The following NAV1 variants were observed in gnomAD, a reference collection of about 807,000 sequenced individuals.
The protein encoded by NAV1 is pore membrane and/or filament interacting like protein 3.
NAV1 carries 18 observed loss-of-function variants against 175.2 expected under a neutral mutation model. That is an observed-to-expected ratio of 0.10 (90% CI 0.07 to 0.15). The LOEUF is 0.15. Among genes scored for constraint, NAV1 ranks in the 10% least tolerant of loss-of-function variants. NAV1 has a pLI of 1.00. For missense variants in NAV1, 1,731 were observed against 2,436.6 expected (o/e 0.71, Z 6.10); for synonymous variants, 897 against 978.7 (o/e 0.92, Z 1.56).
rs181886501 is a variant in NAV1, at chr1:201,697,006, T to A, written c.758-15811T>A. 1.4e-3 allele frequency among the ~76,000 whole-genome samples: 212 copies of A among 152,308 alleles called. No individual in the cohort carries two copies. The Middle Eastern group carries it at 0.02, about 15-fold the overall frequency. Reference sequence around the variant, plus strand: ...CTTCTGATGCTCACTAAACAAAAAATTTTTTTAAATGCAAAAACTCTTCAG... The same window carrying A: ...CTTCTGATGCTCACTAAACAAAAAAATTTTTTAAATGCAAAAACTCTTCAG... On this transcript the variant is annotated intron_variant, in intron 1 of 29. Coordinates refer to ENST00000367296, the Ensembl canonical transcript of NAV1.
At chr1:201,605,938 C>T (rs1377776627) in intron 2 of NAV1, among the ~76,000 whole-genome samples, 3 of 152,184 alleles carry the variant, frequency 2.0e-5, no homozygotes, top group Admixed American at 6.5e-5. Flanking sequence ...ATCCCTTCTG[C>T]TTTGCCTAGA....
At chr1:201,605,859 G>T (rs1422930723) in intron 2 of NAV1, among the ~76,000 whole-genome samples, 2 of 152,196 alleles carry the variant, frequency 1.3e-5, no homozygotes, top group African/African-American at 4.8e-5. Flanking sequence ...GCACTGTGGG[G>T]GGGTGTGAGC....
chr1:201,686,654 C>T (rs1039038626), intron 1 of NAV1, among the ~76,000 whole-genome samples: 2 of 152,230 alleles, frequency 1.3e-5, no homozygotes, highest in Non-Finnish European at 2.9e-5. Context: ...ATCCCCCACT[C>T]CAACCCATTT....
intron 1 of NAV1, among the ~76,000 whole-genome samples, chr1:201,656,209 T>C (rs1571866648): frequency 6.6e-6 from 1 of 152,248 alleles, no homozygotes; most frequent in Admixed American, 6.5e-5. Context: ...CAATGATACA[T>C]TTCAGGGCCA....
intron 1 of NAV1, among the ~76,000 whole-genome samples, chr1:201,562,364 C>A (rs532226117): frequency 7.2e-5 from 11 of 152,160 alleles, no homozygotes; most frequent in Non-Finnish European, 7.4e-5. Flanking sequence ...GACCTTGGGT[C>A]CTAGTTGGTA....
At chr1:201,602,861 C>T (rs190644110) in intron 2 of NAV1, among the ~76,000 whole-genome samples, 1 of 152,152 alleles carries the variant, frequency 6.6e-6, no homozygotes, top group Non-Finnish European at 1.5e-5. Flanking sequence ...CACCCAGCCT[C>T]CCCATCCTGA....
At position 201,788,090 on chromosome 1, in the gene NAV1, G is replaced by C. The variant is rs1676881484; in HGVS notation, c.2996-378G>C. Among the ~76,000 whole-genome samples the C allele has an allele frequency of 6.6e-6, 1 of 152,144 alleles. No homozygotes were observed. The highest frequency in any genetic ancestry group is 1.5e-5 in the Non-Finnish European group (1 of 68,026). ...TTTCAGTCCTCCTGAGCTGGCAGTTGTGTTTTAGAGAACCACAGCATCTCA... is the reference window on the plus strand; with the variant it reads ...TTTCAGTCCTCCTGAGCTGGCAGTTCTGTTTTAGAGAACCACAGCATCTCA... On this transcript the variant is annotated intron_variant, in intron 9 of 29. Coordinates refer to ENST00000367296, the Ensembl canonical transcript of NAV1. This position sits in a 1 kb window ranked among gnomAD's most constrained non-coding sequence, Gnocchi z 5.7.
At chr1:201,649,563 C>G (rs1375543394) in intron 1 of NAV1, 138 bp downstream of exon 5, 1 of 1,364,606 alleles carries the variant, frequency 7.3e-7, no homozygotes, top group African/African-American at 1.5e-5. Context: ...CTGTGATGGG[C>G]ATTGCGCCCA....
intron 2 of NAV1, among the ~76,000 whole-genome samples, chr1:201,600,582 C>T (rs897486237): frequency 1.3e-5 from 2 of 152,038 alleles, no homozygotes; most frequent in African/African-American, 4.8e-5. Flanking sequence ...CTGGGTGAAG[C>T]GTAGATGGGA....
chr1:201,669,218 A>C (rs1461143769), intron 1 of NAV1, among the ~76,000 whole-genome samples: 2 of 152,212 alleles, frequency 1.3e-5, no homozygotes, highest in Non-Finnish European at 2.9e-5. Flanking sequence ...GATGGTGTGG[A>C]GCAAATGATC....
chr1:201,783,036 A>G (rs552840), intron 6 of NAV1, among the ~76,000 whole-genome samples, 167 bp downstream of exon 10: 74,877 of 152,078 alleles, frequency 0.49, 19,128 homozygotes, highest in African/African-American at 0.63. Flanking sequence ...GAAAGAATCT[A>G]GTTTCTGACA....
chr1:201,744,345 T>TATTTATTTATTC (rs1553264474), intron 3 of NAV1, among the ~76,000 whole-genome samples: 5 of 138,214 alleles, frequency 3.6e-5, no homozygotes, highest in East Asian at 2.1e-4. Context: ...TTTATTTATT[T>TATTTATTTATTC]ATTCATTCAT....
intron 2 of NAV1, among the ~76,000 whole-genome samples, chr1:201,599,510 C>T (rs72739959): frequency 2.6e-3 from 398 of 152,286 alleles, no homozygotes; most frequent in Non-Finnish European, 4.6e-3. Flanking sequence ...TTCATGAGGT[C>T]CTGACCCACA....
chr1:201,803,156 G>C (rs987443907), intron 15 of NAV1, among the ~76,000 whole-genome samples: 1 of 152,168 alleles, frequency 6.6e-6, no homozygotes, highest in Non-Finnish European at 1.5e-5. Flanking sequence ...GCTCTTTCAG[G>C]TGGAATGCAG....
At chr1:201,702,940 A>G (rs1671501152) in intron 1 of NAV1, among the ~76,000 whole-genome samples, 1 of 152,178 alleles carries the variant, frequency 6.6e-6, no homozygotes, top group Non-Finnish European at 1.5e-5. Flanking sequence ...GCTAATATAC[A>G]TAAAGCTGCT....
intron 2 of NAV1, among the ~76,000 whole-genome samples, chr1:201,632,106 T>C (rs767102707): frequency 2.0e-5 from 3 of 152,176 alleles, no homozygotes; most frequent in African/African-American, 4.8e-5. Context: ...CTGAATGGGT[T>C]TGGGGGGTGA....
chr1:201,744,685 G>C (rs1326942255), intron 3 of NAV1, among the ~76,000 whole-genome samples: 1 of 152,152 alleles, frequency 6.6e-6, no homozygotes, highest in Non-Finnish European at 1.5e-5. Context: ...CTTCCTAGAG[G>C]AGGCAGCATT....
At chr1:201,648,244 G>A (rs1669043062), upstream of NAV1, 2 of 1,024,956 alleles carry the variant, frequency 2.0e-6, no homozygotes, top group East Asian at 1.7e-4. Flanking sequence ...CGGCAGTGCG[G>A]TGTCCACGGG....
intron 3 of NAV1, among the ~76,000 whole-genome samples, chr1:201,727,586 G>C (rs1460994527): frequency 1.3e-5 from 2 of 152,204 alleles, no homozygotes; most frequent in African/African-American, 2.4e-5. Context: ...AGAATGTCTT[G>C]GGCCGGGCAC....
Sources: allele counts gnomAD v4.1 joint callset (sites outside exome capture counted in the v4.1 genomes callset), GRCh38; gene constraint gnomAD v4.1.1; non-coding constraint Gnocchi (gnomAD v3.1); transcripts MANE v1.5; gene names NCBI Gene and HGNC (gene_info 2026-07-23, HGNC 2026-07-21).